The following CCDC117 variants were observed in gnomAD, a reference collection of about 807,000 sequenced individuals.
The protein encoded by CCDC117 is coiled-coil domain containing 117.
In CCDC117, 1 loss-of-function variant was observed where a neutral mutation model predicts 23.5. The ratio of observed to expected loss-of-function variants is 0.04; its 90% CI spans 0.02 to 0.20. The LOEUF (loss-of-function observed/expected upper bound fraction) is 0.20, where lower values mean the gene tolerates loss of function less well. Among genes scored for constraint, CCDC117 ranks in the 10% least tolerant of loss-of-function variants. The pLI, the probability that CCDC117 is intolerant of heterozygous loss-of-function variation, is 1.00. For synonymous variants in CCDC117, 132 were observed against 124.8 expected, an observed-to-expected ratio of 1.06 and a Z score of -0.39; for missense variants, 383 against 348.2, an observed-to-expected ratio of 1.10 and a Z score of -0.80.
At chr22:28,782,541 C>T (rs555214935) in intron 3 of CCDC117, among the ~76,000 whole-genome samples, 5 of 152,012 alleles carry the variant, frequency 3.3e-5, no homozygotes, top group South Asian at 2.1e-4. Context: ...CGGGTTCAGG[C>T]GATTCTCCTG....
intron 2 of CCDC117, among the ~76,000 whole-genome samples, chr22:28,779,319 T>C (rs2146249237): frequency 6.6e-6 from 1 of 152,012 alleles, no homozygotes; most frequent in Middle Eastern, 3.4e-3. Context: ...TCTCCTGCCT[T>C]GGCCTTCCTA....
chr22:28,776,603 A>C (rs911636250), intron 2 of CCDC117, among the ~76,000 whole-genome samples: 1 of 131,912 alleles, frequency 7.6e-6, no homozygotes, highest in Admixed American at 7.6e-5. Flanking sequence ...TTTTTTTTTG[A>C]GACGGAGTTT....
chr22:28,774,226 C>T (rs1438295582), intron 2 of CCDC117, among the ~76,000 whole-genome samples: 2 of 150,606 alleles, frequency 1.3e-5, no homozygotes, highest in Admixed American at 1.3e-4. Context: ...CGCCACCACG[C>T]CTGGCAATTT....
chr22:28,779,011 G>A (rs1022083337), intron 2 of CCDC117, among the ~76,000 whole-genome samples: 7 of 152,120 alleles, frequency 4.6e-5, no homozygotes, highest in Admixed American at 4.6e-4. Context: ...TTTGCTTTTT[G>A]GGGATGTGGA....
chr22:28,785,181 T>TTTTG (rs2031476118), intron 4 of CCDC117, among the ~76,000 whole-genome samples: 1 of 151,548 alleles, frequency 6.6e-6, no homozygotes, highest in Non-Finnish European at 1.5e-5. Context: ...ATGAAGCTTG[T>TTTTG]TTTGTTTTGT....
Position 28,781,006 on chromosome 22 carries a change from T to C in CCDC117, c.298T>C (p.Trp100Arg), listed in dbSNP as rs1398329344. 1 of 1,614,104 alleles carries C rather than the reference T, an allele frequency of 6.2e-7. No individual in the cohort carries two copies. Among genetic ancestry groups the C allele is most frequent in the Non-Finnish European group, 8.5e-7 (1 of 1,180,002 alleles). Residue 100 changes from tryptophan to arginine, a missense_variant, in exon 3 of 5, where the codon TGG becomes CGG. Transcript: ENST00000249064. ...AGAGCTCTGTGCTGGTCCTAATGAC[T>C]GGATTCTTTGTGCACATCAGGATGT... The part of the protein sequence containing the change: ...EAELCAGPND[W>R]ILCAHQDVEG...
At chr22:28,783,796 G>A in intron 4 of CCDC117, 151 bp downstream of exon 4, 1 of 693,608 alleles carries the variant, frequency 1.4e-6, no homozygotes, top group Non-Finnish European at 2.4e-6. Flanking sequence ...TTAGGGGTGA[G>A]CAAAGTGCTT....
At chr22:28,779,557 T>G (rs969899311) in intron 2 of CCDC117, among the ~76,000 whole-genome samples, 1 of 152,188 alleles carries the variant, frequency 6.6e-6, no homozygotes, top group Non-Finnish European at 1.5e-5. Flanking sequence ...ATGTTAGATA[T>G]AGCTGAACAT....
At chr22:28,779,350 G>A (rs915873260) in intron 2 of CCDC117, among the ~76,000 whole-genome samples, 2 of 151,608 alleles carry the variant, frequency 1.3e-5, no homozygotes, top group Non-Finnish European at 2.9e-5. Flanking sequence ...TTAAAGGTGC[G>A]TGCCACTGCG....
At chr22:28,775,297 C>T (rs1332486573) in intron 2 of CCDC117, among the ~76,000 whole-genome samples, 1 of 152,140 alleles carries the variant, frequency 6.6e-6, no homozygotes, top group Admixed American at 6.6e-5. Flanking sequence ...GGAATTCTAT[C>T]GTAGGACTTG....
At position 28,772,797 on chromosome 22, in the gene CCDC117, C is replaced by T; in HGVS notation, c.-53C>T. On this transcript the variant is annotated 5_prime_UTR_variant, in exon 1 of 5. Coordinates refer to ENST00000249064, the MANE Select transcript of CCDC117 (RefSeq NM_173510.4). The stretch of plus-strand genomic sequence containing the variant: ...GTAGCTGTGGCTGCGGCTGCCGGGC[C>T]TGGGGACGCGGGCGGCCGAGGCCGC... The T allele has an allele frequency of 1.6e-6, 2 of 1,212,958 alleles. No individual in the cohort carries two copies. The highest frequency in any genetic ancestry group is 3.3e-5 in the East Asian group (1 of 30,392). The allele number at this position is 1,212,958 out of a possible 1,614,324, so 75.1% of individuals were successfully genotyped here. A position where few individuals can be genotyped will look rare whatever the true frequency, so the allele number is the denominator to read the frequency against.
rs760858945 is a variant in CCDC117 at position 28,781,325 on chromosome 22, T to TTTTTGTTTTGTTTTG, written c.464+167_464+168insGTTTTGTTTTGTTTT. 4.5e-5 allele frequency among the ~76,000 whole-genome samples: 5 copies of TTTTTGTTTTGTTTTG among 111,564 alleles called. 2 individuals carry two copies. Among genetic ancestry groups the TTTTTGTTTTGTTTTG allele is most frequent in the African/African-American group, 1.9e-4 (5 of 26,400 alleles). 73.2% of individuals were successfully genotyped at this position (111,564 alleles called of 152,430 possible). A position where few individuals can be genotyped will look rare whatever the true frequency, so the allele number is the denominator to read the frequency against. ...AATTCAAAGTGTATTCGTTTTTGTT[T>TTTTTGTTTTGTTTTG]TTTTGTTTTGTTTTTTTTTTTTTTT... On this transcript the variant is annotated intron_variant, in intron 3 of 4. Transcript: ENST00000249064.
At chr22:28,785,801 T>C (rs1188841079) in intron 4 of CCDC117, among the ~76,000 whole-genome samples, 1 of 151,984 alleles carries the variant, frequency 6.6e-6, no homozygotes, top group East Asian at 1.9e-4. Flanking sequence ...TATGTGCCTG[T>C]AGTCCTAATT....
At chr22:28,781,335 G>GGTTTT (rs2031316368) in intron 3 of CCDC117, among the ~76,000 whole-genome samples, 163 bp downstream of exon 3, 2 of 14,824 alleles carry the variant, frequency 1.3e-4, no homozygotes, top group East Asian at 3.0e-3. Flanking sequence ...TTTTTGTTTT[G>GGTTTT]TTTTTTTTTT....
Position 28,784,571 on chromosome 22 carries a change from A to G in CCDC117, c.602+926A>G, listed in dbSNP as rs535186842. Among the ~76,000 whole-genome samples, 12 of 152,302 alleles carry G rather than the reference A, an allele frequency of 7.9e-5. No individual in the cohort carries two copies. In the South Asian group the frequency reaches 2.5e-3, roughly 32 times the overall value. ...GGATACAGTGGAGATGATTTGTGCT[A>G]GAAGTTCAGCTGCTATTTGGTCTTT... On this transcript the variant is annotated intron_variant, in intron 4 of 4. Transcript: ENST00000249064.
intron 2 of CCDC117, 87 bp downstream of exon 2, chr22:28,773,865 A>T (rs1373089604): frequency 2.0e-6 from 2 of 1,003,994 alleles, no homozygotes; most frequent in Non-Finnish European, 1.6e-6. Flanking sequence ...GAAAAGGTGA[A>T]ACATTAGATG....
intron 2 of CCDC117, among the ~76,000 whole-genome samples, chr22:28,780,669 A>G (rs1424228065): frequency 6.6e-6 from 1 of 152,178 alleles, no homozygotes; most frequent in Non-Finnish European, 1.5e-5. Flanking sequence ...CCAGAGCCAA[A>G]TAAGCAGGAA....
chr22:28,781,025 A>G lies in CCDC117; in HGVS notation c.317A>G (p.Gln106Arg). 3 of 1,614,046 alleles carry G rather than the reference A, an allele frequency of 1.9e-6. No individual in the cohort carries two copies. Among genetic ancestry groups the G allele is most frequent in the Non-Finnish European group, 2.5e-6 (3 of 1,179,954 alleles). ...AATGACTGGATTCTTTGTGCACATC[A>G]GGATGTAGAGGGGCATGGAGTAAAT... ...GPNDWILCAH[Q>R]DVEGHGVNPS... Residue 106 changes from glutamine (Q) to arginine (R), a missense_variant, in exon 3 of 5, where the codon CAG becomes CGG. Coordinates refer to ENST00000249064, the MANE Select transcript of CCDC117 (RefSeq NM_173510.4).
chr22:28,783,886 C>T (rs182852323), intron 4 of CCDC117, among the ~76,000 whole-genome samples: 1 of 152,164 alleles, frequency 6.6e-6, no homozygotes, highest in Non-Finnish European at 1.5e-5. Context: ...CTGAAATGGA[C>T]TGCAGTCTGC....
Sources: allele counts gnomAD v4.1 joint callset (sites outside exome capture counted in the v4.1 genomes callset), GRCh38; gene constraint gnomAD v4.1.1; transcripts MANE v1.5; gene names NCBI Gene and HGNC (gene_info 2026-07-23, HGNC 2026-07-21).